The following EMG1 variants were observed in gnomAD, a reference collection of about 807,000 sequenced individuals.
EMG1 encodes the protein EMG1 N1-specific pseudouridine methyltransferase.
EMG1 carries 24 observed loss-of-function variants against 26.9 expected under a neutral mutation model. The observed-to-expected ratio is 0.89, with a 90% confidence interval of 0.65 to 1.26. The LOEUF is 1.26. Ranked by LOEUF, EMG1 falls within the 50% of genes most tolerant of loss-of-function variation. EMG1 has a pLI of 0.00. For missense variants in EMG1, 299 were observed against 307.6 expected, an observed-to-expected ratio of 0.97 and a Z score of 0.21; for synonymous variants, 140 against 112.6, an observed-to-expected ratio of 1.24 and a Z score of -1.54.
chr12:6,989,957 G>T (rs1189074646), downstream of EMG1, among the ~76,000 whole-genome samples: 1 of 151,898 alleles, frequency 6.6e-6, no homozygotes, highest in Non-Finnish European at 1.5e-5. Flanking sequence ...AGAATCACTG[G>T]AACCCAGGAG....
At chr12:6,974,759 G>T (rs1248059530) in intron 3 of EMG1, 66 bp downstream of exon 3, 10 of 1,546,780 alleles carry the variant, frequency 6.5e-6, no homozygotes, top group Non-Finnish European at 8.9e-6. Context: ...AAGAGGAAAA[G>T]GGAGAACTAA....
chr12:6,974,908 AACCCATC>A lies in EMG1; in HGVS notation c.413-179_413-173del. On this transcript the variant is annotated intron_variant, in intron 3 of 5. Transcript: ENST00000599672. Reference sequence around the variant, plus strand: ...CTGGCTGAGTGAAAGAGGGAGTCTGAACCCATCACTGTACAGCTAGCCATATGCTTGG... The same window carrying A: ...CTGGCTGAGTGAAAGAGGGAGTCTGAACTGTACAGCTAGCCATATGCTTGG... The A allele has an allele frequency of 6.2e-6, 5 of 805,642 alleles. No homozygotes were observed. The South Asian group carries it at 6.5e-5, about 10-fold the overall frequency. The allele number at this position is 805,642 out of a possible 1,614,324, so 49.9% of individuals were successfully genotyped here. A position where few individuals can be genotyped will look rare whatever the true frequency, so the allele number is the denominator to read the frequency against.
At position 6,976,806 on chromosome 12, in the gene EMG1, C is replaced by G. The variant is rs1946408428; in HGVS notation, c.*997C>G. On this transcript the variant is annotated 3_prime_UTR_variant, in exon 6 of 6. Coordinates refer to ENST00000599672, the MANE Select transcript of EMG1 (RefSeq NM_006331.8). ...CTGGAAGCATCGATCTTCCACCTCC[C>G]TGGCTTTTCCATTCTCTGCTCTGGG... The G allele has an allele frequency of 5.0e-6, 1 of 198,036 alleles. No homozygotes were observed. The highest frequency in any genetic ancestry group is 5.4e-5 in the Admixed American group (1 of 18,674). 12.3% of individuals were successfully genotyped at this position (198,036 alleles called of 1,614,324 possible).
downstream of EMG1, among the ~76,000 whole-genome samples, chr12:6,991,411 C>T (rs1946589645): frequency 1.3e-5 from 2 of 152,322 alleles, no homozygotes; most frequent in South Asian, 4.1e-4. Context: ...TGTAACATCA[C>T]ACATAGATCA....
downstream of EMG1, among the ~76,000 whole-genome samples, chr12:6,988,670 A>G (rs1204909176): frequency 6.6e-6 from 1 of 152,116 alleles, no homozygotes; most frequent in East Asian, 1.9e-4. Flanking sequence ...AGTGGGAAGG[A>G]CTTCCACTTT....
chr12:6,976,027 T>C lies in EMG1; in HGVS notation c.*218T>C. On this transcript the variant is annotated 3_prime_UTR_variant, in exon 6 of 6. Transcript: ENST00000599672. ...GTATCCAGTGGTGTAAAACTGTTTG[T>C]TCCCCGGGACTTCAGGGACAGATAG... 1 of 482,322 alleles carries C rather than the reference T, an allele frequency of 2.1e-6. No homozygotes were observed. The highest frequency in any genetic ancestry group is 3.1e-5 in the South Asian group (1 of 32,226). 29.9% of individuals were successfully genotyped at this position (482,322 alleles called of 1,614,324 possible).
downstream of EMG1, among the ~76,000 whole-genome samples, chr12:6,984,027 A>G (rs1946498783): frequency 6.6e-6 from 1 of 152,188 alleles, no homozygotes; most frequent in African/African-American, 2.4e-5. Flanking sequence ...ATGCTCCAGA[A>G]ACACTCATTT....
intron 7 of EMG1, among the ~76,000 whole-genome samples, chr12:6,995,449 G>A (rs1658281207): frequency 6.6e-6 from 1 of 151,594 alleles, no homozygotes; most frequent in Admixed American, 6.6e-5. Context: ...ACTCCAGCCT[G>A]GGCAACAGAG....
chr12:6,978,018 C>T lies in EMG1; in HGVS notation c.*2209C>T, dbSNP rs782352290. The T allele has an allele frequency of 5.3e-6, 3 of 562,616 alleles. No individual in the cohort carries two copies. Among genetic ancestry groups the T allele is most frequent in the African/African-American group, 1.9e-5 (1 of 53,364 alleles). 34.9% of individuals were successfully genotyped at this position (562,616 alleles called of 1,614,324 possible). Reference sequence around the variant, plus strand: ...GATCAGTGGTGAACCAGACACTCTACTCAAGCTGCCCACACTCTAGTGGTG... The same window carrying T: ...GATCAGTGGTGAACCAGACACTCTATTCAAGCTGCCCACACTCTAGTGGTG... On this transcript the variant is annotated 3_prime_UTR_variant, in exon 6 of 6. Transcript: ENST00000599672.
chr12:6,975,778 C>T lies in EMG1; in HGVS notation c.704C>T (p.Thr235Ile), dbSNP rs187673472. The change falls in exon 6 of 6, where the codon ACA (threonine) becomes ATA (isoleucine). Residue 235 changes from threonine to isoleucine, a missense_variant. By Grantham distance (89) the Thr-to-Ile change is moderately conservative. Transcript: ENST00000599672. The part of the protein sequence containing the change: ...SAALTCAKLT[T>I]AFEEVWGVI ...GCCCTCACCTGTGCAAAACTTACCA[C>T]AGCCTTTGAGGAAGTATGGGGGGTC... 27 of 1,612,514 alleles carry T rather than the reference C, an allele frequency of 1.7e-5. No homozygotes were observed. Among genetic ancestry groups the T allele is most frequent in the Middle Eastern group, 3.3e-4 (2 of 6,044 alleles).
At chr12:6,980,927 G>T, downstream of EMG1, 1 of 1,403,692 alleles carries the variant, frequency 7.1e-7, no homozygotes, top group Non-Finnish European at 9.6e-7. Flanking sequence ...TCATGCTGGA[G>T]AATGCAGCTT....
In EMG1 at chr12:6,976,984, AG is replaced by A. The variant is rs1591710134; in HGVS notation, c.*1176del. On this transcript the variant is annotated 3_prime_UTR_variant, in exon 6 of 6. Coordinates refer to ENST00000599672, the MANE Select transcript of EMG1 (RefSeq NM_006331.8). Reference sequence around the variant, plus strand: ...AGATGTTTCCTAGCATGCCTCAATAAGTCACAGTAGTCATTGCCCATACTGT... The same window carrying A: ...AGATGTTTCCTAGCATGCCTCAATAATCACAGTAGTCATTGCCCATACTGT... 1.6e-6 allele frequency: 1 copy of A among 622,896 alleles called. No individual in the cohort carries two copies. The highest frequency in any genetic ancestry group is 2.9e-6 in the Non-Finnish European group (1 of 345,900). The allele number at this position is 622,896 out of a possible 1,614,324, so 38.6% of individuals were successfully genotyped here. A position where few individuals can be genotyped will look rare whatever the true frequency, so the allele number is the denominator to read the frequency against.
chr12:6,989,750 A>C (rs1287925292), downstream of EMG1, among the ~76,000 whole-genome samples: 1 of 152,174 alleles, frequency 6.6e-6, no homozygotes, highest in South Asian at 2.1e-4. Flanking sequence ...CAGGGACCAG[A>C]TCTATCACAA....
chr12:6,993,409 G>A (rs1946606961), intron 7 of EMG1, among the ~76,000 whole-genome samples: 1 of 151,674 alleles, frequency 6.6e-6, no homozygotes, highest in Admixed American at 6.6e-5. Flanking sequence ...ACTCCAGCCT[G>A]GCAACAGAGC....
At position 6,996,863 on chromosome 12, in the gene EMG1, G is replaced by A. The variant is rs115450445; in HGVS notation, c.*212-362G>A. Among the ~76,000 whole-genome samples, 236 of 152,280 alleles carry A rather than the reference G, an allele frequency of 1.5e-3. 1 individual carries two copies. The highest frequency in any genetic ancestry group is 5.4e-3 in the African/African-American group (226 of 41,548). ...AGAGAAGAGATGACGGCATTCCAAG[G>A]GAGGATAATGTAGTAAAGACACAGC... On this transcript the variant is annotated intron_variant and NMD_transcript_variant, in intron 7 of 7. Transcript: ENST00000607161.
At chr12:6,994,503 G>A (rs1358062094) in intron 7 of EMG1, among the ~76,000 whole-genome samples, 5 of 151,720 alleles carry the variant, frequency 3.3e-5, no homozygotes, top group African/African-American at 7.3e-5. Context: ...CCACCGGGCT[G>A]TTGCCCACGC....
chr12:6,988,605 C>T (rs1000979477), downstream of EMG1, among the ~76,000 whole-genome samples: 2 of 152,106 alleles, frequency 1.3e-5, no homozygotes, highest in Non-Finnish European at 2.9e-5. Flanking sequence ...TAAAAAATGA[C>T]CGAAGCCCCT....
At chr12:6,973,274 C>T (rs190891051) in intron 1 of EMG1, among the ~76,000 whole-genome samples, 111 of 152,116 alleles carry the variant, frequency 7.3e-4, no homozygotes, top group African/African-American at 2.4e-3. Context: ...CTCAAGCCAT[C>T]CTCCCACCTT....
In EMG1 at chr12:6,977,468, G is replaced by C; in HGVS notation, c.*1659G>C. ...TGCACCAAATAGTAGAAGGGCTGGA[G>C]GACAGTAATGGCGGCCAGCTTGCTC... is the stretch of plus-strand genomic sequence containing the variant. On this transcript the variant is annotated 3_prime_UTR_variant, in exon 6 of 6. Transcript: ENST00000599672. This position sits in a 1 kb window ranked among gnomAD's most constrained non-coding sequence, Gnocchi z 4.5. The C allele has an allele frequency of 6.2e-7, 1 of 1,614,208 alleles. No homozygotes were observed. Among genetic ancestry groups the C allele is most frequent in the Non-Finnish European group, 8.5e-7 (1 of 1,180,042 alleles).
Sources: gnomAD v4.1 joint callset for allele counts (sites outside exome capture counted in the v4.1 genomes callset) on GRCh38, gnomAD v4.1.1 for gene constraint, Gnocchi (gnomAD v3.1) non-coding constraint, MANE v1.5 for transcripts, NCBI Gene and HGNC (gene_info 2026-07-23, HGNC 2026-07-21) for gene names.